GNG7: variants seen among roughly 807,000 people sequenced by gnomAD.
GNG7 encodes the protein guanine nucleotide-binding protein G(I)/G(S)/G(O) subunit gamma-7.
A neutral mutation model predicts 4.0 loss-of-function variants in GNG7; 1 was observed. The observed-to-expected ratio is 0.25, with a 90% CI of 0.09 to 1.18. The LOEUF (loss-of-function observed/expected upper bound fraction) is 1.18. Ranked by LOEUF, GNG7 falls within the 50% of genes most tolerant of loss-of-function variation. The pLI, the probability that GNG7 is intolerant of heterozygous loss-of-function variation, is 0.50. For missense variants in GNG7, 86 were observed against 91.9 expected (o/e 0.94, Z 0.26); for synonymous variants, 34 against 36.9 (o/e 0.92, Z 0.29).
At chr19:2,675,880 G>A (rs1983581809) in intron 1 of GNG7, among the ~76,000 whole-genome samples, 1 of 152,224 alleles carries the variant, frequency 6.6e-6, no homozygotes, top group East Asian at 1.9e-4. Context: ...TTATTTGGAA[G>A]AAAATATTGT....
chr19:2,693,436 A>G (rs1002924536), intron 1 of GNG7, among the ~76,000 whole-genome samples: 1 of 151,420 alleles, frequency 6.6e-6, no homozygotes, highest in Non-Finnish European at 1.5e-5. Flanking sequence ...AAAAAGAAAG[A>G]AAGAAAAAAA....
chr19:2,654,855 C>T (rs1599444495), intron 1 of GNG7, among the ~76,000 whole-genome samples: 1 of 152,138 alleles, frequency 6.6e-6, no homozygotes, highest in African/African-American at 2.4e-5. Flanking sequence ...GGGTGCTAAG[C>T]AGCATCCCTG....
chr19:2,624,784 C>G (rs1401864142), intron 2 of GNG7, among the ~76,000 whole-genome samples: 2 of 152,226 alleles, frequency 1.3e-5, no homozygotes, highest in African/African-American at 4.8e-5. Flanking sequence ...TGGTAATTAC[C>G]CCCAGGCAGA....
intron 2 of GNG7, among the ~76,000 whole-genome samples, chr19:2,641,359 G>C (rs932390347): frequency 1.3e-5 from 2 of 152,180 alleles, no homozygotes; most frequent in African/African-American, 4.8e-5. Flanking sequence ...AGGGACCGCA[G>C]ATGGGATGAA....
chr19:2,569,372 T>C (rs1599397073), intron 2 of GNG7, among the ~76,000 whole-genome samples: 2 of 152,186 alleles, frequency 1.3e-5, no homozygotes, highest in African/African-American at 4.8e-5. Context: ...GCCTCCTGGG[T>C]TGACACCATT....
chr19:2,686,963 A>G (rs1399341289), intron 1 of GNG7, among the ~76,000 whole-genome samples: 19 of 151,612 alleles, frequency 1.3e-4, no homozygotes, highest in Admixed American at 1.2e-3. Context: ...CGTGTTAGCC[A>G]GGATGGTCTC....
chr19:2,531,284 G>A (rs530121013), intron 3 of GNG7, among the ~76,000 whole-genome samples: 1 of 123,872 alleles, frequency 8.1e-6, no homozygotes, highest in Admixed American at 9.6e-5. Flanking sequence ...AGCTTTGGCA[G>A]CTGAGTGAGA....
At chr19:2,686,830 C>T (rs904582469) in intron 1 of GNG7, among the ~76,000 whole-genome samples, 1 of 151,140 alleles carries the variant, frequency 6.6e-6, no homozygotes, top group Admixed American at 6.6e-5. Flanking sequence ...CGGCTCACTG[C>T]AAGCTCTGCC....
intron 2 of GNG7, among the ~76,000 whole-genome samples, chr19:2,559,119 T>C (rs118025578): frequency 0.043 from 6,330 of 148,156 alleles, 210 homozygotes; most frequent in East Asian, 0.11. Context: ...CCTTTCATAG[T>C]CACAAAGAAT....
At chr19:2,583,227 C>T (rs1302250159) in intron 2 of GNG7, among the ~76,000 whole-genome samples, 1 of 152,194 alleles carries the variant, frequency 6.6e-6, no homozygotes, top group Non-Finnish European at 1.5e-5. Flanking sequence ...AAGCAAATCT[C>T]CCTCTGGAAA....
chr19:2,699,284 G>T (rs547741935), intron 1 of GNG7, among the ~76,000 whole-genome samples: 1 of 152,118 alleles, frequency 6.6e-6, no homozygotes, highest in East Asian at 1.9e-4. Context: ...AAGTAGCTGG[G>T]ATTACAGGCG....
At chr19:2,603,458 C>T (rs1350319377) in intron 2 of GNG7, among the ~76,000 whole-genome samples, 1 of 152,224 alleles carries the variant, frequency 6.6e-6, no homozygotes, top group South Asian at 2.1e-4. Context: ...CGGGTGGGAC[C>T]GGCATCCGGT....
At chr19:2,659,244 C>T (rs1983079243) in intron 1 of GNG7, among the ~76,000 whole-genome samples, 1 of 151,138 alleles carries the variant, frequency 6.6e-6, no homozygotes, top group African/African-American at 2.4e-5. Context: ...CCTGGGATGA[C>T]AGACGTGAGC....
At chr19:2,550,709 C>T (rs1979289722) in intron 3 of GNG7, among the ~76,000 whole-genome samples, 1 of 152,216 alleles carries the variant, frequency 6.6e-6, no homozygotes, top group Admixed American at 6.5e-5. Flanking sequence ...CTCTGGCCAG[C>T]CCCCGGGCCT....
At chr19:2,622,112 C>T (rs570450192) in intron 2 of GNG7, among the ~76,000 whole-genome samples, 116 of 151,556 alleles carry the variant, frequency 7.7e-4, no homozygotes, top group Non-Finnish European at 1.5e-3. Flanking sequence ...CGGAGTCTTG[C>T]TCTGTCACCC....
chr19:2,562,229 T>A (rs1979763252), intron 2 of GNG7, among the ~76,000 whole-genome samples: 1 of 151,956 alleles, frequency 6.6e-6, no homozygotes, highest in Admixed American at 6.6e-5. Flanking sequence ...GGTCCCCACC[T>A]GCTCAGCCCC....
chr19:2,552,814 T>C (rs1270675719), intron 3 of GNG7, among the ~76,000 whole-genome samples: 1 of 148,864 alleles, frequency 6.7e-6, no homozygotes, highest in Non-Finnish European at 1.5e-5. Context: ...AAAAAAGTAA[T>C]GCGTTTGAAT....
intron 3 of GNG7, among the ~76,000 whole-genome samples, chr19:2,543,659 G>T (rs11881553): frequency 0.4 from 60,149 of 152,036 alleles, 12,081 homozygotes; most frequent in African/African-American, 0.46. Context: ...AAGGCCAGCG[G>T]GCGTTTGCTC....
intron 2 of GNG7, among the ~76,000 whole-genome samples, chr19:2,592,872 GA>G (rs200519342): frequency 0.013 from 1,813 of 138,946 alleles, 155 homozygotes; most frequent in Admixed American, 0.11. Context: ...AGAGGAGAAG[GA>G]AAAAAAGAAA....
Sources: allele counts gnomAD v4.1 joint callset (sites outside exome capture counted in the v4.1 genomes callset), GRCh38; gene constraint gnomAD v4.1.1; transcripts MANE v1.5; gene names NCBI Gene and HGNC (gene_info 2026-07-23, HGNC 2026-07-21).